Variants in SOCS5 observed in about 807,000 individuals in gnomAD.
SOCS5 encodes the protein CIS-6.
SOCS5 carries 32 observed loss-of-function variants against 42.8 expected under a neutral mutation model. That is an observed-to-expected ratio of 0.75 (90% CI 0.56 to 1.01). SOCS5 has a LOEUF of 1.01. Among genes scored for constraint, SOCS5 ranks in the 50% least tolerant of loss-of-function variants. SOCS5 has a pLI of 0.00. For missense variants in SOCS5, 627 were observed against 653.0 expected (o/e 0.96, Z 0.43); for synonymous variants, 283 against 229.6 (o/e 1.23, Z -2.10).
intron 1 of SOCS5, among the ~76,000 whole-genome samples, chr2:46,713,669 C>G (rs536092498): frequency 1.3e-5 from 2 of 152,036 alleles, no homozygotes; most frequent in South Asian, 4.2e-4. Context: ...GATTTGAGCT[C>G]TTTAATTCCT....
intron 1 of SOCS5, among the ~76,000 whole-genome samples, chr2:46,720,977 C>T (rs1388044089): frequency 6.6e-6 from 1 of 152,174 alleles, no homozygotes; most frequent in Non-Finnish European, 1.5e-5. Flanking sequence ...CCGTTCTGCT[C>T]CTGCCTGCTC....
intron 1 of SOCS5, among the ~76,000 whole-genome samples, chr2:46,708,451 G>A (rs1339687846): frequency 2.0e-5 from 3 of 152,146 alleles, no homozygotes; most frequent in African/African-American, 7.2e-5. Flanking sequence ...GATCAGGAGC[G>A]TGGTCAGGAT....
chr2:46,743,331 G>A (rs939757087), intron 1 of SOCS5, among the ~76,000 whole-genome samples: 5 of 152,176 alleles, frequency 3.3e-5, no homozygotes, highest in African/African-American at 1.2e-4. Context: ...CCCGTGGGCT[G>A]CTGGTTGCCC....
chr2:46,730,105 G>A (rs1673082935), intron 1 of SOCS5, among the ~76,000 whole-genome samples: 1 of 152,064 alleles, frequency 6.6e-6, no homozygotes, highest in Admixed American at 6.6e-5. Context: ...CATCATATAT[G>A]CCGTCTCTCA....
Position 46,761,095 on chromosome 2 carries a change from T to C in SOCS5, c.*954T>C, listed in dbSNP as rs1408196063. On this transcript the variant is annotated 3_prime_UTR_variant, in exon 2 of 2. Coordinates refer to ENST00000394861, the MANE Select transcript of SOCS5 (RefSeq NM_144949.3). ...TTGGATGGCAGAATTTATCTCTTTT[T>C]TGTAAACTCTCATAACTGAATTGCT... The C allele has an allele frequency of 6.0e-6, 1 of 167,108 alleles. No individual in the cohort carries two copies. The highest frequency in any genetic ancestry group is 1.5e-5 in the Non-Finnish European group (1 of 68,116). 10.4% of individuals were successfully genotyped at this position (167,108 alleles called of 1,614,324 possible). A position where few individuals can be genotyped will look rare whatever the true frequency, so the allele number is the denominator to read the frequency against.
At chr2:46,719,568 A>G (rs1399143965) in intron 1 of SOCS5, among the ~76,000 whole-genome samples, 2 of 152,158 alleles carry the variant, frequency 1.3e-5, no homozygotes, top group Non-Finnish European at 1.5e-5. Flanking sequence ...TAAAGAAAGA[A>G]TGGACGTCAT....
At chr2:46,725,281 G>A (rs759947756) in intron 1 of SOCS5, among the ~76,000 whole-genome samples, 1 of 151,658 alleles carries the variant, frequency 6.6e-6, no homozygotes, top group African/African-American at 2.4e-5. Context: ...CTTGTAGGTG[G>A]CATACAATTG....
At chr2:46,720,538 A>AT (rs1672855393) in intron 1 of SOCS5, among the ~76,000 whole-genome samples, 1 of 152,200 alleles carries the variant, frequency 6.6e-6, no homozygotes, top group Non-Finnish European at 1.5e-5. Context: ...ACAGCTTGGT[A>AT]TTTTTTATAA....
Position 46,760,406 on chromosome 2 carries a change from G to A in SOCS5, c.*265G>A, listed in dbSNP as rs1405552651. The stretch of plus-strand genomic sequence containing the variant: ...AACAGTTTGGTTTTTAATGGCTGTG[G>A]TATTTGAGTGAGGCAACTCTGGGGC... On this transcript the variant is annotated 3_prime_UTR_variant, in exon 2 of 2. Transcript: ENST00000394861. 5.5e-6 allele frequency: 2 copies of A among 365,818 alleles called. No individual in the cohort carries two copies. The highest frequency in any genetic ancestry group is 9.6e-5 in the East Asian group (2 of 20,798). The allele number at this position is 365,818 out of a possible 1,614,324, so 22.7% of individuals were successfully genotyped here.
At chr2:46,725,652 A>G (rs79553946) in intron 1 of SOCS5, among the ~76,000 whole-genome samples, 2 of 152,216 alleles carry the variant, frequency 1.3e-5, no homozygotes, top group Admixed American at 6.5e-5. Flanking sequence ...TTTGAACCCA[A>G]TGGGTACTGT....
intron 1 of SOCS5, among the ~76,000 whole-genome samples, chr2:46,714,305 T>C (rs1672691591): frequency 6.6e-6 from 1 of 152,216 alleles, no homozygotes; most frequent in Non-Finnish European, 1.5e-5. Flanking sequence ...TTGTTTCCTA[T>C]TTCAAGCATA....
At chr2:46,737,413 G>C (rs998039429) in intron 1 of SOCS5, among the ~76,000 whole-genome samples, 1 of 152,032 alleles carries the variant, frequency 6.6e-6, no homozygotes, top group Non-Finnish European at 1.5e-5. Flanking sequence ...ATTATTAATG[G>C]GTAAAGTAAG....
intron 1 of SOCS5, among the ~76,000 whole-genome samples, chr2:46,707,244 T>G (rs1156302758): frequency 6.6e-6 from 1 of 152,182 alleles, no homozygotes. Context: ...TAACATCAAT[T>G]TACTGTAAAG....
intron 1 of SOCS5, among the ~76,000 whole-genome samples, chr2:46,746,983 G>T (rs1183830279): frequency 1.9e-5 from 1 of 52,642 alleles, no homozygotes. Flanking sequence ...TTGATCTCTT[G>T]TTCTGGCCAT....
chr2:46,757,154 A>C (rs1673749230), intron 1 of SOCS5, among the ~76,000 whole-genome samples: 1 of 152,232 alleles, frequency 6.6e-6, no homozygotes, highest in African/African-American at 2.4e-5. Flanking sequence ...GAAGACCTAT[A>C]ATTCATTCTA....
intron 1 of SOCS5, among the ~76,000 whole-genome samples, chr2:46,738,600 T>C (rs1338344832): frequency 2.0e-5 from 3 of 152,226 alleles, no homozygotes; most frequent in African/African-American, 7.2e-5. Context: ...GAGTGTGTGT[T>C]GAATGTGTGG....
At chr2:46,700,623 G>A (rs1025667295) in intron 1 of SOCS5, among the ~76,000 whole-genome samples, 3 of 152,176 alleles carry the variant, frequency 2.0e-5, no homozygotes, top group Admixed American at 6.5e-5. Context: ...TGGTAAGCTA[G>A]CAGCTCTATT....
chr2:46,713,162 C>G (rs1451172645), intron 1 of SOCS5, among the ~76,000 whole-genome samples: 1 of 152,158 alleles, frequency 6.6e-6, no homozygotes. Context: ...TTGAGACCAG[C>G]TTGGGCAACA....
intron 1 of SOCS5, among the ~76,000 whole-genome samples, chr2:46,745,325 G>C (rs965603255): frequency 6.6e-6 from 1 of 152,142 alleles, no homozygotes. Flanking sequence ...TTTAGGGGGA[G>C]ACAGGAAAGG....
Sources: gnomAD v4.1 joint callset for allele counts (sites outside exome capture counted in the v4.1 genomes callset) on GRCh38, gnomAD v4.1.1 for gene constraint, MANE v1.5 for transcripts, NCBI Gene and HGNC (gene_info 2026-07-23, HGNC 2026-07-21) for gene names.